The following EXOC4 variants were observed in gnomAD, a reference collection of about 807,000 sequenced individuals.
EXOC4 encodes the protein exocyst complex component 4.
In EXOC4, 71 loss-of-function variants were observed where a neutral mutation model predicts 107.2. The ratio of observed to expected loss-of-function variants is 0.66; its 90% CI spans 0.55 to 0.81. The LOEUF (loss-of-function observed/expected upper bound fraction) is 0.81, where lower values mean the gene tolerates loss of function less well. Among genes scored for constraint, EXOC4 ranks in the 30% least tolerant of loss-of-function variants. The pLI, the probability that EXOC4 is intolerant of heterozygous loss-of-function variation, is 0.00. For synonymous variants in EXOC4, 456 were observed against 441.2 expected (o/e 1.03, Z -0.42); for missense variants, 1,108 against 1,189.6 (o/e 0.93, Z 1.01).
chr7:133,907,220 ATC>A (rs1262733199), intron 12 of EXOC4, among the ~76,000 whole-genome samples: 13 of 152,146 alleles, frequency 8.5e-5, no homozygotes, highest in African/African-American at 3.1e-4. Context: ...TATACACAAT[ATC>A]TGTTTCATAG....
At chr7:134,043,887 C>A (rs1313530669) in intron 17 of EXOC4, among the ~76,000 whole-genome samples, 2 of 152,108 alleles carry the variant, frequency 1.3e-5, no homozygotes, top group East Asian at 3.9e-4. Context: ...TCATCTTTTC[C>A]CTCATTCCCC....
chr7:133,502,328 G>A (rs1220216018), intron 9 of EXOC4, among the ~76,000 whole-genome samples: 2 of 152,142 alleles, frequency 1.3e-5, no homozygotes, highest in Non-Finnish European at 2.9e-5. Flanking sequence ...TGTTGTAAAT[G>A]TTTGCTGGAA....
At chr7:133,267,989 A>G (rs1265462633) in intron 1 of EXOC4, among the ~76,000 whole-genome samples, 1 of 152,206 alleles carries the variant, frequency 6.6e-6, no homozygotes, top group Non-Finnish European at 1.5e-5. Context: ...GATAGGCTTT[A>G]GGGGATTTGG....
In EXOC4 at chr7:133,431,966, C is replaced by T. The variant is rs117964341; in HGVS notation, c.1183-43362C>T. On this transcript the variant is annotated intron_variant, in intron 7 of 17. Transcript: ENST00000253861. ...ATACTACTTGAAAGTACTGAGATTT[C>T]CCCCTTTTTGTAACTTTTGATCAAC... Among the ~76,000 whole-genome samples the T allele has an allele frequency of 1.3e-3, 193 of 152,248 alleles. 5 individuals carry two copies. In the East Asian group the frequency reaches 0.028, roughly 22 times the overall value.
chr7:134,078,284 A>G, the EXOC4 span, among the ~76,000 whole-genome samples: 1 of 151,830 alleles, frequency 6.6e-6, no homozygotes. Flanking sequence ...TGTAAATCCA[A>G]CACATAAACA....
chr7:133,695,180 ATT>A (rs67392433), intron 10 of EXOC4, among the ~76,000 whole-genome samples: 12,423 of 148,568 alleles, frequency 0.084, 541 homozygotes, highest in Middle Eastern at 0.13. Flanking sequence ...CATGAGATTC[ATT>A]TTTTTTTTTT....
chr7:134,018,299 T>C (rs1462028372), intron 17 of EXOC4, among the ~76,000 whole-genome samples: 1 of 152,154 alleles, frequency 6.6e-6, no homozygotes, highest in Admixed American at 6.6e-5. Context: ...GTTTAAATTT[T>C]GATGCTTGAA....
intron 4 of EXOC4, among the ~76,000 whole-genome samples, chr7:133,314,653 G>A (rs900948442): frequency 2.0e-5 from 3 of 152,138 alleles, no homozygotes; most frequent in African/African-American, 7.2e-5. Context: ...TGTGTTCATA[G>A]AAGTGTGTAC....
chr7:133,531,300 A>G (rs751888265), intron 9 of EXOC4, among the ~76,000 whole-genome samples: 3 of 152,166 alleles, frequency 2.0e-5, no homozygotes, highest in Admixed American at 2.0e-4. Context: ...CACAGATTCT[A>G]ACACTGGTAT....
intron 10 of EXOC4, among the ~76,000 whole-genome samples, chr7:133,719,983 A>G (rs1262686406): frequency 6.6e-6 from 1 of 152,112 alleles, no homozygotes; most frequent in Non-Finnish European, 1.5e-5. Flanking sequence ...TATCCCACTG[A>G]TTGTGATTGA....
chr7:133,752,615 A>C (rs1476022695), intron 10 of EXOC4, among the ~76,000 whole-genome samples: 2 of 152,216 alleles, frequency 1.3e-5, no homozygotes, highest in African/African-American at 2.4e-5. Context: ...ATGAACATTA[A>C]AAAAGTGGTT....
chr7:133,585,316 A>C (rs187840659), intron 9 of EXOC4, among the ~76,000 whole-genome samples: 133 of 152,330 alleles, frequency 8.7e-4, no homozygotes, highest in Non-Finnish European at 7.8e-4. Flanking sequence ...GTGTAGGTTA[A>C]ATTAATAAAA....
intron 10 of EXOC4, among the ~76,000 whole-genome samples, chr7:133,759,060 G>T (rs1795978625): frequency 6.6e-6 from 1 of 152,008 alleles, no homozygotes; most frequent in Non-Finnish European, 1.5e-5. Context: ...TTGGATTTAG[G>T]GATTGCTCCC....
chr7:133,994,068 A>G (rs1386178178), intron 14 of EXOC4, among the ~76,000 whole-genome samples: 1 of 152,226 alleles, frequency 6.6e-6, no homozygotes, highest in Non-Finnish European at 1.5e-5. Flanking sequence ...TTCGTGGAAC[A>G]ATGTTTATGT....
At chr7:133,938,975 C>G (rs1269861879) in intron 14 of EXOC4, among the ~76,000 whole-genome samples, 1 of 152,096 alleles carries the variant, frequency 6.6e-6, no homozygotes, top group African/African-American at 2.4e-5. Flanking sequence ...GTCTCAAACT[C>G]CTGGGCTCAA....
chr7:133,416,621 A>C (rs1797480199), intron 7 of EXOC4, among the ~76,000 whole-genome samples: 1 of 152,218 alleles, frequency 6.6e-6, no homozygotes, highest in African/African-American at 2.4e-5. Flanking sequence ...ATGTGTACAA[A>C]GTGCCATCAA....
chr7:133,305,112 A>G (rs1253630519), intron 3 of EXOC4, among the ~76,000 whole-genome samples: 1 of 151,796 alleles, frequency 6.6e-6, no homozygotes, highest in Non-Finnish European at 1.5e-5. Context: ...TGAGTTTCAA[A>G]GTGAGTTGGT....
intron 7 of EXOC4, among the ~76,000 whole-genome samples, chr7:133,448,662 C>T (rs1168594445): frequency 1.3e-5 from 2 of 152,078 alleles, no homozygotes; most frequent in Non-Finnish European, 1.5e-5. Flanking sequence ...AGTTGTATCA[C>T]CCCAAAAGTT....
chr7:133,916,744 C>T (rs993765990), intron 12 of EXOC4, among the ~76,000 whole-genome samples: 1 of 152,118 alleles, frequency 6.6e-6, no homozygotes, highest in Non-Finnish European at 1.5e-5. Flanking sequence ...CTTGGTCAGC[C>T]CCAGAGGAGA....
Sources: gnomAD v4.1 joint callset for allele counts (sites outside exome capture counted in the v4.1 genomes callset) on GRCh38, gnomAD v4.1.1 for gene constraint, MANE v1.5 for transcripts, NCBI Gene and HGNC (gene_info 2026-07-23, HGNC 2026-07-21) for gene names.